The following ROBO1 variants were observed in gnomAD, a reference collection of about 807,000 sequenced individuals.
The protein encoded by ROBO1 is roundabout guidance receptor 1, also known as roundabout homolog 1.
A neutral mutation model predicts 195.9 loss-of-function variants in ROBO1; 149 were observed. The observed-to-expected ratio is 0.76, with a 90% CI of 0.67 to 0.87. The LOEUF is 0.87. Among genes scored for constraint, ROBO1 ranks in the 40% least tolerant of loss-of-function variants. ROBO1 has a pLI of 0.00. For missense variants in ROBO1, 1,933 were observed against 2,068.3 expected, an observed-to-expected ratio of 0.93 and a Z score of 1.27; for synonymous variants, 816 against 733.2, an observed-to-expected ratio of 1.11 and a Z score of -1.82.
chr3:79,032,852 C>A (rs2108307621), intron 3 of ROBO1, among the ~76,000 whole-genome samples: 1 of 152,120 alleles, frequency 6.6e-6, no homozygotes, highest in Middle Eastern at 3.4e-3. Flanking sequence ...AATCCCTCCC[C>A]TATGAAATGT....
chr3:79,232,263 A>ATC (rs2082333985), intron 2 of ROBO1, among the ~76,000 whole-genome samples: 1 of 148,972 alleles, frequency 6.7e-6, no homozygotes, highest in African/African-American at 2.5e-5. Flanking sequence ...AAAAAAAAAT[A>ATC]TATATATATA....
intron 2 of ROBO1, among the ~76,000 whole-genome samples, chr3:79,415,585 C>A (rs1436025298): frequency 6.6e-6 from 1 of 152,088 alleles, no homozygotes; most frequent in Non-Finnish European, 1.5e-5. Context: ...GAGACCTTTT[C>A]AGTTCAGGCC....
intron 1 of ROBO1, among the ~76,000 whole-genome samples, chr3:79,728,298 G>GA (rs896413336): frequency 3.3e-5 from 5 of 152,002 alleles, no homozygotes; most frequent in African/African-American, 9.7e-5. Flanking sequence ...ATGGAGAGCT[G>GA]AAAAAATCTC....
chr3:78,887,304 G>A (rs577804229), intron 4 of ROBO1, among the ~76,000 whole-genome samples: 60 of 152,234 alleles, frequency 3.9e-4, no homozygotes, highest in African/African-American at 1.3e-3. Flanking sequence ...GTTAAAAAGG[G>A]CTGTTGAGAG....
intron 2 of ROBO1, among the ~76,000 whole-genome samples, chr3:79,390,338 T>C (rs760729288): frequency 6.6e-5 from 10 of 151,246 alleles, no homozygotes; most frequent in Non-Finnish European, 1.3e-4. Flanking sequence ...GGATATAAGA[T>C]TGGGAGTTAG....
intron 2 of ROBO1, among the ~76,000 whole-genome samples, chr3:79,327,612 G>A (rs1293573575): frequency 2.0e-5 from 3 of 151,926 alleles, no homozygotes; most frequent in Non-Finnish European, 1.5e-5. Context: ...TATGTCTGAA[G>A]AACAGGAAAA....
chr3:79,730,136 C>T (rs1703084643), intron 1 of ROBO1, among the ~76,000 whole-genome samples: 1 of 152,170 alleles, frequency 6.6e-6, no homozygotes, highest in African/African-American at 2.4e-5. Flanking sequence ...CCCTAACAAT[C>T]ATGGTTTAGA....
intron 2 of ROBO1, among the ~76,000 whole-genome samples, chr3:79,342,253 G>A (rs1047732526): frequency 1.3e-5 from 2 of 152,158 alleles, no homozygotes; most frequent in African/African-American, 4.8e-5. Flanking sequence ...TGATAAAAAT[G>A]GCATTTGCAG....
At chr3:79,713,311 T>C (rs1702347189) in intron 1 of ROBO1, among the ~76,000 whole-genome samples, 1 of 152,110 alleles carries the variant, frequency 6.6e-6, no homozygotes, top group South Asian at 2.1e-4. Flanking sequence ...CATAGGGTTA[T>C]GGTAGTCATA....
chr3:79,615,072 C>A (rs529643095), intron 1 of ROBO1, among the ~76,000 whole-genome samples: 194 of 152,140 alleles, frequency 1.3e-3, no homozygotes, highest in African/African-American at 4.3e-3. Flanking sequence ...ATAATGGGAA[C>A]AAGTAGTCAA....
intron 4 of ROBO1, among the ~76,000 whole-genome samples, chr3:78,895,175 T>C (rs1293114555): frequency 6.6e-6 from 1 of 152,140 alleles, no homozygotes; most frequent in Non-Finnish European, 1.5e-5. Flanking sequence ...ACAAATCAGT[T>C]CCCTTCAGCG....
At chr3:79,511,206 C>G (rs1940686025) in intron 2 of ROBO1, among the ~76,000 whole-genome samples, 1 of 152,128 alleles carries the variant, frequency 6.6e-6, no homozygotes, top group Non-Finnish European at 1.5e-5. Context: ...CTCACAAAAA[C>G]TTAAGTTAGA....
At chr3:78,957,994 A>G (rs938974613) in intron 3 of ROBO1, among the ~76,000 whole-genome samples, 3 of 152,210 alleles carry the variant, frequency 2.0e-5, no homozygotes, top group African/African-American at 7.2e-5. Flanking sequence ...GCTTTCTGCT[A>G]GCACAGAAAC....
rs769148469 is a variant in ROBO1, at chr3:78,714,537, C to T, written c.918-13G>A. The T allele has an allele frequency of 5.0e-6, 8 of 1,604,562 alleles. No homozygotes were observed. The highest frequency in any genetic ancestry group is 6.0e-6 in the Non-Finnish European group (7 of 1,175,888). On this transcript the variant is annotated splice_polypyrimidine_tract_variant and intron_variant, in intron 7 of 30. Transcript: ENST00000464233. ...TCGGATTTCATATCTAATGACATAA[C>T]AAAAGAAAGCACAGTTAAGTGACTT...
chr3:79,299,929 A>G (rs1188141939), intron 2 of ROBO1, among the ~76,000 whole-genome samples: 1 of 152,222 alleles, frequency 6.6e-6, no homozygotes, highest in African/African-American at 2.4e-5. Flanking sequence ...CGATATAAAA[A>G]AGGAAATAGA....
intron 4 of ROBO1, among the ~76,000 whole-genome samples, chr3:78,910,911 A>G (rs2038206309): frequency 6.6e-6 from 1 of 151,984 alleles, no homozygotes; most frequent in African/African-American, 2.4e-5. Flanking sequence ...ATACAAATTA[A>G]CAGGTCCCAT....
intron 2 of ROBO1, among the ~76,000 whole-genome samples, chr3:79,492,348 C>A (rs946249041): frequency 6.7e-6 from 1 of 149,336 alleles, no homozygotes; most frequent in Non-Finnish European, 1.5e-5. Flanking sequence ...TCGCTTGAAC[C>A]CGGGAGGCAG....
chr3:79,301,052 C>G (rs183326549), intron 2 of ROBO1, among the ~76,000 whole-genome samples: 1 of 152,148 alleles, frequency 6.6e-6, no homozygotes, highest in African/African-American at 2.4e-5. Flanking sequence ...TGGCAACCCT[C>G]TCGGGTCACC....
At chr3:78,725,395 T>C (rs1469277896) in intron 5 of ROBO1, among the ~76,000 whole-genome samples, 1 of 152,168 alleles carries the variant, frequency 6.6e-6, no homozygotes, top group African/African-American at 2.4e-5. Context: ...GTTTTAGAGA[T>C]GTCAAAATGT....
Sources: allele counts gnomAD v4.1 joint callset (sites outside exome capture counted in the v4.1 genomes callset), GRCh38; gene constraint gnomAD v4.1.1; transcripts MANE v1.5; gene names NCBI Gene and HGNC (gene_info 2026-07-23, HGNC 2026-07-21).